The following ZSCAN25 variants were observed in gnomAD, a reference collection of about 807,000 sequenced individuals.
ZSCAN25 encodes zinc finger and SCAN domain containing 25.
In ZSCAN25, 27 loss-of-function variants were observed where a neutral mutation model predicts 38.7. That is an observed-to-expected ratio of 0.70 (90% confidence interval 0.51 to 0.96). The LOEUF (loss-of-function observed/expected upper bound fraction) is 0.96. Among genes scored for constraint, ZSCAN25 ranks in the 40% least tolerant of loss-of-function variants. The probability of loss-of-function intolerance (pLI) is 0.00; values close to 1 mark genes in which losing one functional copy is unlikely to be tolerated. For missense variants in ZSCAN25, 637 were observed against 705.9 expected (o/e 0.90, Z 1.11); for synonymous variants, 273 against 277.7 (o/e 0.98, Z 0.17).
intron 1 of ZSCAN25, among the ~76,000 whole-genome samples, chr7:99,617,785 A>T (rs976306508): frequency 1.3e-5 from 2 of 152,200 alleles, no homozygotes; most frequent in African/African-American, 4.8e-5. Flanking sequence ...GAGATAAAGA[A>T]TAGCAATGGG....
the ZSCAN25 span, chr7:99,714,462 C>A: frequency 6.4e-7 from 1 of 1,558,868 alleles, no homozygotes; most frequent in South Asian, 1.2e-5. Context: ...AAATCTTTCT[C>A]TAAAAACATA....
the ZSCAN25 span, among the ~76,000 whole-genome samples, chr7:99,644,568 C>A: frequency 1.3e-5 from 2 of 152,154 alleles, no homozygotes; most frequent in Non-Finnish European, 2.9e-5. Flanking sequence ...CTGAGTAATT[C>A]TTTTTCCTCC....
the ZSCAN25 span, among the ~76,000 whole-genome samples, chr7:99,690,973 G>T: frequency 6.6e-6 from 1 of 152,156 alleles, no homozygotes; most frequent in Admixed American, 6.5e-5. Context: ...AAATCATGCT[G>T]CTATAAAGAC....
chr7:99,644,163 A>T, the ZSCAN25 span, among the ~76,000 whole-genome samples: 1 of 152,252 alleles, frequency 6.6e-6, no homozygotes, highest in Admixed American at 6.5e-5. Context: ...GCACACTTGT[A>T]CTGAGTCATT....
the ZSCAN25 span, chr7:99,710,786 G>T: frequency 1.2e-6 from 2 of 1,613,938 alleles, no homozygotes; most frequent in Non-Finnish European, 1.7e-6. Flanking sequence ...GGACATCAGG[G>T]TGAGTGGCCA....
the ZSCAN25 span, among the ~76,000 whole-genome samples, chr7:99,731,745 G>A: frequency 1.6e-4 from 25 of 152,216 alleles, no homozygotes; most frequent in African/African-American, 5.3e-4. Context: ...GAGAGGTCTT[G>A]GAGGAGTCAC....
chr7:99,620,150 T>TTC, intron 4 of ZSCAN25, 157 bp downstream of exon 4: 1 of 1,133,724 alleles, frequency 8.8e-7, no homozygotes, highest in Non-Finnish European at 1.2e-6. Context: ...GCAGTGGCGT[T>TTC]TTCAGCAAGA....
At chr7:99,675,422 A>G in the ZSCAN25 span, among the ~76,000 whole-genome samples, 2 of 152,006 alleles carry the variant, frequency 1.3e-5, no homozygotes, top group African/African-American at 4.8e-5. Context: ...GATAGTAATC[A>G]GACAACAGAG....
chr7:99,631,282 G>A lies in ZSCAN25; in HGVS notation c.*1262G>A. On this transcript the variant is annotated 3_prime_UTR_variant, in exon 8 of 8. Transcript: ENST00000394152. ...ACTAGGGGTCCTGGACACCCACTGG[G>A]GATGATGAGCTGGTAGCGACCTGTT... 1 of 985,282 alleles carries A rather than the reference G, an allele frequency of 1.0e-6. No homozygotes were observed. Among genetic ancestry groups the A allele is most frequent in the Admixed American group, 6.1e-5 (1 of 16,266 alleles). The allele number at this position is 985,282 out of a possible 1,614,324, so 61.0% of individuals were successfully genotyped here. A position where few individuals can be genotyped will look rare whatever the true frequency, so the allele number is the denominator to read the frequency against.
chr7:99,644,090 C>T, the ZSCAN25 span, among the ~76,000 whole-genome samples: 5 of 152,104 alleles, frequency 3.3e-5, no homozygotes, highest in Non-Finnish European at 7.3e-5. Flanking sequence ...AGTGTTCTTT[C>T]TCCAGTGTTT....
At chr7:99,666,615 A>T in the ZSCAN25 span, 31 of 1,613,720 alleles carry the variant, frequency 1.9e-5, no homozygotes, top group South Asian at 4.4e-5. Flanking sequence ...TCAAGGTGAC[A>T]GGCTTGCCTT....
the ZSCAN25 span, chr7:99,735,045 C>T: frequency 6.2e-7 from 1 of 1,614,140 alleles, no homozygotes; most frequent in Non-Finnish European, 8.5e-7. Context: ...ATCAGGCTGA[C>T]AGCCAGGAGA....
At chr7:99,618,285 C>G (rs930159609) in intron 1 of ZSCAN25, 2 of 152,152 alleles carry the variant, frequency 1.3e-5, no homozygotes, top group African/African-American at 4.8e-5. Context: ...TTAGTTTTCT[C>G]TCTTTTTGAC....
chr7:99,711,157 C>T, the ZSCAN25 span, among the ~76,000 whole-genome samples: 1 of 152,176 alleles, frequency 6.6e-6, no homozygotes, highest in African/African-American at 2.4e-5. Flanking sequence ...ACCTTCACAG[C>T]TGGGTAATTT....
chr7:99,656,082 G>C, the ZSCAN25 span, among the ~76,000 whole-genome samples: 1 of 152,052 alleles, frequency 6.6e-6, no homozygotes, highest in African/African-American at 2.4e-5. Context: ...TCTTTCTCTT[G>C]CCTGATTGCC....
the ZSCAN25 span, chr7:99,671,806 G>A: frequency 4.3e-6 from 3 of 702,906 alleles, no homozygotes; most frequent in Non-Finnish European, 7.8e-6. Context: ...TGTTGTGACT[G>A]TAGGACAGCA....
At chr7:99,625,107 C>G (rs1277587631) in intron 7 of ZSCAN25, among the ~76,000 whole-genome samples, 5 of 152,086 alleles carry the variant, frequency 3.3e-5, no homozygotes, top group Non-Finnish European at 7.4e-5. Context: ...TCCATCCTGC[C>G]CCTCCACTTG....
At chr7:99,643,035 T>C in the ZSCAN25 span, among the ~76,000 whole-genome samples, 1 of 152,226 alleles carries the variant, frequency 6.6e-6, no homozygotes, top group Non-Finnish European at 1.5e-5. Flanking sequence ...CCATTAGTGG[T>C]CCTTAATAAT....
chr7:99,632,291 G>T lies in ZSCAN25; in HGVS notation c.*2271G>T, dbSNP rs1387652551. The T allele has an allele frequency of 1.0e-6, 1 of 969,898 alleles. No individual in the cohort carries two copies. The highest frequency in any genetic ancestry group is 1.2e-6 in the Non-Finnish European group (1 of 816,294). 60.1% of individuals were successfully genotyped at this position (969,898 alleles called of 1,614,324 possible). ...CTATTCAAATGTTAAGAAATATTTTGTTTTCTGTATTTTTCTATTCTTTAG... is the reference window on the plus strand; with the variant it reads ...CTATTCAAATGTTAAGAAATATTTTTTTTTCTGTATTTTTCTATTCTTTAG... On this transcript the variant is annotated 3_prime_UTR_variant, in exon 8 of 8. Coordinates refer to ENST00000394152, the MANE Select transcript of ZSCAN25 (RefSeq NM_145115.3).
Sources: gnomAD v4.1 joint callset for allele counts (sites outside exome capture counted in the v4.1 genomes callset) on GRCh38, gnomAD v4.1.1 for gene constraint, MANE v1.5 for transcripts, NCBI Gene and HGNC (gene_info 2026-07-23, HGNC 2026-07-21) for gene names.